Variants in ANKRD44 observed in about 807,000 individuals in gnomAD.
The protein encoded by ANKRD44 is serine/threonine-protein phosphatase 6 regulatory ankyrin repeat subunit B.
Under a neutral mutation model 116.0 loss-of-function variants are expected in ANKRD44, and 35 were observed. The ratio of observed to expected loss-of-function variants is 0.30; its 90% CI spans 0.23 to 0.40. The LOEUF is 0.40. Ranked by LOEUF, ANKRD44 falls within the 10% of genes least tolerant of loss-of-function variation. ANKRD44 has a pLI of 1.00. For synonymous variants in ANKRD44, 435 were observed against 461.8 expected, an observed-to-expected ratio of 0.94 and a Z score of 0.74; for missense variants, 1,014 against 1,242.6, an observed-to-expected ratio of 0.82 and a Z score of 2.77.
At chr2:197,008,829 A>G (rs992167747) in intron 19 of ANKRD44, 115 bp downstream of exon 19, 38 of 905,982 alleles carry the variant, frequency 4.2e-5, no homozygotes, top group Non-Finnish European at 6.0e-5. Flanking sequence ...TCCTGGTCCA[A>G]ATATATTCCT....
intron 6 of ANKRD44, among the ~76,000 whole-genome samples, chr2:197,123,225 T>G (rs888571997): frequency 3.3e-5 from 5 of 152,116 alleles, no homozygotes; most frequent in African/African-American, 9.7e-5. Context: ...AAACAATTAA[T>G]GAGAATGACC....
At chr2:197,076,503 T>G (rs1174088218) in intron 16 of ANKRD44, among the ~76,000 whole-genome samples, 1 of 152,062 alleles carries the variant, frequency 6.6e-6, no homozygotes, top group Non-Finnish European at 1.5e-5. Context: ...TGTTTTGGGG[T>G]TTTTAAAAAA....
At chr2:197,226,339 T>C (rs1160861128) in intron 1 of ANKRD44, among the ~76,000 whole-genome samples, 6 of 152,196 alleles carry the variant, frequency 3.9e-5, no homozygotes, top group Non-Finnish European at 7.3e-5. Flanking sequence ...TACATTCATT[T>C]AAATCAGATA....
chr2:197,256,708 T>C (rs578144388), intron 1 of ANKRD44, among the ~76,000 whole-genome samples: 3 of 152,118 alleles, frequency 2.0e-5, no homozygotes, highest in Non-Finnish European at 4.4e-5. Context: ...ACAAAGGCCT[T>C]GGTGTTTCAG....
intron 2 of ANKRD44, among the ~76,000 whole-genome samples, chr2:197,171,999 CTTT>C (rs34135336): frequency 2.3e-5 from 1 of 43,730 alleles, no homozygotes; most frequent in African/African-American, 4.5e-5. Flanking sequence ...TATTTTTCTT[CTTT>C]TTTTTTTTTT....
chr2:197,103,410 G>T (rs1033286638), intron 9 of ANKRD44, among the ~76,000 whole-genome samples: 3 of 151,972 alleles, frequency 2.0e-5, no homozygotes, highest in Admixed American at 2.0e-4. Context: ...TCTTGGTGGT[G>T]TGTTTGTTGA....
At chr2:197,199,768 C>CA (rs1209438018) in intron 1 of ANKRD44, among the ~76,000 whole-genome samples, 1 of 152,104 alleles carries the variant, frequency 6.6e-6, no homozygotes, top group African/African-American at 2.4e-5. Flanking sequence ...TTACAATTTG[C>CA]AAAAATAATG....
chr2:197,146,933 G>T (rs770168861), intron 3 of ANKRD44, 94 bp downstream of exon 3: 248 of 1,016,804 alleles, frequency 2.4e-4, no homozygotes, highest in Non-Finnish European at 3.4e-4. Flanking sequence ...CATAACAAAG[G>T]AATTTTGCTT....
chr2:197,170,699 T>C (rs575312309), intron 2 of ANKRD44, among the ~76,000 whole-genome samples: 1 of 152,304 alleles, frequency 6.6e-6, no homozygotes, highest in South Asian at 2.1e-4. Flanking sequence ...AAGGCAAATA[T>C]GGAAGGGTAG....
downstream of ANKRD44, among the ~76,000 whole-genome samples, chr2:196,985,125 C>T (rs150031563): frequency 5.3e-3 from 802 of 152,320 alleles, 6 homozygotes; most frequent in African/African-American, 0.017. Context: ...AAGGAACGGA[C>T]GGCAGCCAAC....
chr2:197,288,019 C>CAAA (rs10666895), intron 1 of ANKRD44, among the ~76,000 whole-genome samples: 22,661 of 81,252 alleles, frequency 0.28, 3,425 homozygotes, highest in East Asian at 0.46. Flanking sequence ...GACTCAGTCT[C>CAAA]AAAAAAAAAA....
chr2:197,086,620 A>G, intron 13 of ANKRD44, 60 bp downstream of exon 13: 3 of 1,522,422 alleles, frequency 2.0e-6, no homozygotes, highest in Non-Finnish European at 2.7e-6. Flanking sequence ...TGATTACTAC[A>G]TAGACCACTC....
chr2:197,176,970 TCTGG>T (rs1387971153), intron 2 of ANKRD44, among the ~76,000 whole-genome samples: 1 of 152,188 alleles, frequency 6.6e-6, no homozygotes, highest in Non-Finnish European at 1.5e-5. Flanking sequence ...TGGAAGGCCC[TCTGG>T]CTGTCATAAT....
intron 1 of ANKRD44, among the ~76,000 whole-genome samples, chr2:197,233,776 A>C (rs1392029223): frequency 2.6e-5 from 4 of 152,228 alleles, no homozygotes; most frequent in Non-Finnish European, 5.9e-5. Context: ...CTGTTCTAGC[A>C]GTTTTCTCTC....
chr2:197,181,488 A>G (rs2080504289), intron 2 of ANKRD44, among the ~76,000 whole-genome samples: 1 of 152,224 alleles, frequency 6.6e-6, no homozygotes, highest in Non-Finnish European at 1.5e-5. Context: ...CACAGTTGTA[A>G]GAGACTTTAA....
intron 16 of ANKRD44, among the ~76,000 whole-genome samples, chr2:197,058,828 G>C (rs1157609892): frequency 2.0e-5 from 3 of 152,188 alleles, no homozygotes; most frequent in African/African-American, 7.2e-5. Context: ...TATGTGACAG[G>C]CACATTGGAA....
intron 16 of ANKRD44, among the ~76,000 whole-genome samples, chr2:197,045,875 AATTG>A (rs1450467559): frequency 6.6e-6 from 1 of 152,228 alleles, no homozygotes; most frequent in East Asian, 1.9e-4. Flanking sequence ...AAAATGAAAG[AATTG>A]TAAACTGTCT....
At chr2:197,230,082 T>C (rs945988997) in intron 1 of ANKRD44, among the ~76,000 whole-genome samples, 29 of 151,928 alleles carry the variant, frequency 1.9e-4, no homozygotes, top group African/African-American at 6.0e-4. Flanking sequence ...GGGATAGAGG[T>C]GTGCAATGCA....
At chr2:197,221,574 C>T (rs566307830) in intron 1 of ANKRD44, among the ~76,000 whole-genome samples, 3 of 152,204 alleles carry the variant, frequency 2.0e-5, no homozygotes, top group Non-Finnish European at 4.4e-5. Flanking sequence ...CTCTACAACA[C>T]GGAATAAAGT....
Sources: allele counts gnomAD v4.1 joint callset (sites outside exome capture counted in the v4.1 genomes callset), GRCh38; gene constraint gnomAD v4.1.1; transcripts MANE v1.5; gene names NCBI Gene and HGNC (gene_info 2026-07-23, HGNC 2026-07-21).